CFAP47: variants seen among roughly 807,000 people sequenced by gnomAD.
CFAP47 encodes cilia- and flagella-associated protein 47.
CFAP47 carries 29 observed loss-of-function variants against 148.1 expected under a neutral mutation model. The ratio of observed to expected loss-of-function variants is 0.20; its 90% CI spans 0.15 to 0.27. The LOEUF is 0.27. CFAP47 is among the 10% of genes least tolerant of loss of function. The pLI is 1.00. For missense variants in CFAP47, 1,872 were observed against 1,697.5 expected, an observed-to-expected ratio of 1.10 and a Z score of -1.81; for synonymous variants, 664 against 577.3, an observed-to-expected ratio of 1.15 and a Z score of -2.15.
rs1046083784 is a variant in CFAP47, at chrX:36,076,295, C to T, written c.4691+2931C>T. 6.6e-5 allele frequency among the ~76,000 whole-genome samples: 7 copies of T among 105,487 alleles called. No homozygotes were observed. In the East Asian group the frequency reaches 1.9e-3, roughly 28 times the overall value. The allele number at this position is 105,487 out of a possible 115,157, so 91.6% of individuals were successfully genotyped here. A position where few individuals can be genotyped will look rare whatever the true frequency, so the allele number is the denominator to read the frequency against. ...CTGCACCCATTAACTCATCATTTAA[C>T]ATTAGGTATATCTCCTAATGCTATC... On this transcript the variant is annotated intron_variant, in intron 29 of 63. Coordinates refer to ENST00000378653, the MANE Select transcript of CFAP47 (RefSeq NM_001304548.2).
chrX:36,338,035 ATTTTTTTTTTTTTTTTTT>A, intron 57 of CFAP47, among the ~76,000 whole-genome samples: 1 of 46,598 alleles, frequency 2.1e-5, no homozygotes, highest in East Asian at 6.4e-4. Context: ...ACGCCTGGCT[ATTTTTTTTTTTTTTTTTT>A]TTTTTTTGTA....
intron 45 of CFAP47, among the ~76,000 whole-genome samples, chrX:36,223,532 A>G (rs1940236686): frequency 9.0e-6 from 1 of 111,720 alleles, no homozygotes; most frequent in Non-Finnish European, 1.9e-5. Flanking sequence ...AAACAACTAT[A>G]GAAGGCAGTG....
At chrX:36,279,450 C>T (rs1001656787) in intron 49 of CFAP47, among the ~76,000 whole-genome samples, 2 of 111,670 alleles carry the variant, frequency 1.8e-5, no homozygotes, top group African/African-American at 6.5e-5. Flanking sequence ...AGTGTGGATA[C>T]TACCATAATT....
At position 36,003,173 on chromosome X, in the gene CFAP47, A is replaced by T. The variant is rs766284973; in HGVS notation, c.3417+1466A>T. On this transcript the variant is annotated intron_variant, in intron 21 of 63. Coordinates refer to ENST00000378653, the MANE Select transcript of CFAP47 (RefSeq NM_001304548.2). The stretch of plus-strand genomic sequence containing the variant: ...GAAAGACCTGGATTTTGTTAATTTT[A>T]TTATCCACTTTGATGGTCACGTTTT... 2.7e-5 allele frequency among the ~76,000 whole-genome samples: 3 copies of T among 109,761 alleles called. No individual in the cohort carries two copies. In the South Asian group the frequency reaches 1.2e-3, roughly 43 times the overall value.
chrX:35,939,413 T>C (rs1429752072), intron 2 of CFAP47, among the ~76,000 whole-genome samples: 81 of 100,213 alleles, frequency 8.1e-4, no homozygotes, highest in Non-Finnish European at 1.2e-3. Context: ...CATCTAGCAT[T>C]AGGTATATCT....
At chrX:36,333,906 C>A (rs1342581650) in intron 57 of CFAP47, among the ~76,000 whole-genome samples, 6 of 111,636 alleles carry the variant, frequency 5.4e-5, no homozygotes, top group Non-Finnish European at 1.1e-4. Flanking sequence ...ATCTTCCTTG[C>A]TTCCTCAGTA....
At chrX:36,136,987 A>G (rs983205685) in intron 33 of CFAP47, among the ~76,000 whole-genome samples, 1 of 111,610 alleles carries the variant, frequency 9.0e-6, no homozygotes, top group Non-Finnish European at 1.9e-5. Context: ...GAAATGTTCA[A>G]TGTCATAGCT....
intron 61 of CFAP47, among the ~76,000 whole-genome samples, chrX:36,364,901 CATATATATATATATATATATAT>C (rs60748143): frequency 0.021 from 1,410 of 67,344 alleles, 34 homozygotes; most frequent in African/African-American, 0.057. Flanking sequence ...ATATTTTGTG[CATATATATATATATATATATAT>C]ATATATATAT....
intron 36 of CFAP47, 145 bp downstream of exon 36, chrX:36,145,498 T>C (rs66489171): frequency 0.057 from 15,849 of 277,062 alleles, 1,297 homozygotes; most frequent in African/African-American, 0.3. Flanking sequence ...AAATGTTGCT[T>C]CTTCTAAGCC....
At chrX:36,278,820 T>C (rs971396309) in intron 49 of CFAP47, among the ~76,000 whole-genome samples, 26 of 112,400 alleles carry the variant, frequency 2.3e-4, no homozygotes, top group African/African-American at 8.1e-4. Context: ...GAATATAATG[T>C]ATATTTCACA....
chrX:36,098,276 G>T (rs1461830569), intron 30 of CFAP47, among the ~76,000 whole-genome samples: 1 of 111,491 alleles, frequency 9.0e-6, no homozygotes, highest in Non-Finnish European at 1.9e-5. Flanking sequence ...TCTCTGAAAG[G>T]TCATGTATCT....
chrX:36,148,536 T>A (rs1939265576), intron 36 of CFAP47, among the ~76,000 whole-genome samples: 1 of 112,061 alleles, frequency 8.9e-6, no homozygotes, highest in South Asian at 3.7e-4. Flanking sequence ...CAAGAAGTAC[T>A]CTTTTGTAAT....
Position 36,051,027 on chromosome X carries a change from C to T in CFAP47, c.4217+3964C>T, listed in dbSNP as rs1180867408. Reference sequence around the variant, plus strand: ...GAAGTCAAGAGTCAAGGTTTGGGAACCTTCCCCTAGATTTCGGATGATTTA... The same window carrying T: ...GAAGTCAAGAGTCAAGGTTTGGGAATCTTCCCCTAGATTTCGGATGATTTA... On this transcript the variant is annotated intron_variant, in intron 26 of 63. Transcript: ENST00000378653. Among the ~76,000 whole-genome samples, 6 of 112,471 alleles carry T rather than the reference C, an allele frequency of 5.3e-5. No individual in the cohort carries two copies. The East Asian group carries it at 1.7e-3, about 32-fold the overall frequency.
chrX:36,349,537 A>G (rs1200717822), intron 58 of CFAP47, among the ~76,000 whole-genome samples: 1 of 112,036 alleles, frequency 8.9e-6, no homozygotes, highest in African/African-American at 3.2e-5. Context: ...TGCTAGGATT[A>G]CAGGCATGAG....
intron 39 of CFAP47, among the ~76,000 whole-genome samples, chrX:36,163,585 T>A (rs1939454992): frequency 9.0e-6 from 1 of 111,456 alleles, no homozygotes; most frequent in African/African-American, 3.3e-5. Flanking sequence ...TTGGAATGTG[T>A]TATTTTTATC....
chrX:36,092,411 A>G (rs1040575772), intron 30 of CFAP47, among the ~76,000 whole-genome samples: 2 of 110,823 alleles, frequency 1.8e-5, no homozygotes, highest in Non-Finnish European at 3.8e-5. Context: ...ATTCAATTTT[A>G]TAATATTATA....
chrX:36,369,974 A>G (rs1169084325), intron 62 of CFAP47, among the ~76,000 whole-genome samples: 1 of 111,619 alleles, frequency 9.0e-6, no homozygotes, highest in South Asian at 3.8e-4. Context: ...AAGTCAAAAA[A>G]TTTTGTCCAG....
intron 49 of CFAP47, among the ~76,000 whole-genome samples, chrX:36,259,988 GT>G (rs1940798507): frequency 9.0e-6 from 1 of 111,237 alleles, no homozygotes; most frequent in South Asian, 3.8e-4. Flanking sequence ...TCCTGTGTTA[GT>G]TTGCTCAGGA....
rs752652529 is a variant in CFAP47, at chrX:36,003,355, C to G, written c.3417+1648C>G. 8.7e-4 allele frequency among the ~76,000 whole-genome samples: 94 copies of G among 107,621 alleles called. 1 individual carries two copies. Among genetic ancestry groups the G allele is most frequent in the African/African-American group, 2.9e-3 (86 of 29,800 alleles). 93.5% of individuals were successfully genotyped at this position (107,621 alleles called of 115,157 possible). A position where few individuals can be genotyped will look rare whatever the true frequency, so the allele number is the denominator to read the frequency against. On this transcript the variant is annotated intron_variant, in intron 21 of 63. Transcript: ENST00000378653. The stretch of plus-strand genomic sequence containing the variant: ...CCTAGTACTTTGATGAAGGCTTTTG[C>G]ATCTATACTTGTAAGGAACATTGGT...
Sources: allele counts gnomAD v4.1 joint callset (sites outside exome capture counted in the v4.1 genomes callset), GRCh38; gene constraint gnomAD v4.1.1; transcripts MANE v1.5; gene names NCBI Gene and HGNC (gene_info 2026-07-23, HGNC 2026-07-21).